The following ANO4 variants were observed in gnomAD, a reference collection of about 807,000 sequenced individuals.
ANO4 encodes the protein anoctamin 4.
Under a neutral mutation model 141.9 loss-of-function variants are expected in ANO4, and 69 were observed. That is an observed-to-expected ratio of 0.49 (90% CI 0.40 to 0.59). The LOEUF is 0.59. Ranked by LOEUF, ANO4 falls within the 20% of genes least tolerant of loss-of-function variation. The pLI is 0.00. For missense variants in ANO4, 894 were observed against 1,162.2 expected (o/e 0.77, Z 3.36); for synonymous variants, 350 against 394.3 (o/e 0.89, Z 1.33).
chr12:100,897,083 C>T (rs2040385132), intron 1 of ANO4, among the ~76,000 whole-genome samples: 1 of 152,206 alleles, frequency 6.6e-6, no homozygotes, highest in South Asian at 2.1e-4. Flanking sequence ...CACATTTTAG[C>T]CACTACTTTG....
At chr12:100,811,722 A>G (rs985469603) in intron 1 of ANO4, among the ~76,000 whole-genome samples, 2 of 152,318 alleles carry the variant, frequency 1.3e-5, no homozygotes, top group African/African-American at 4.8e-5. Flanking sequence ...TTAACTGTAC[A>G]GTAAACCATG....
chr12:101,082,963 T>A (rs2049345540), intron 15 of ANO4, among the ~76,000 whole-genome samples: 1 of 152,224 alleles, frequency 6.6e-6, no homozygotes. Flanking sequence ...ATAATTGGTT[T>A]TTAGTCAGAA....
At chr12:100,784,207 A>G (rs1411279008) in intron 3 of ANO4, among the ~76,000 whole-genome samples, 2 of 152,168 alleles carry the variant, frequency 1.3e-5, no homozygotes, top group Non-Finnish European at 2.9e-5. Context: ...CCTTCTGGCC[A>G]TAATGTTAGT....
At chr12:100,960,516 A>G (rs1338705610) in intron 5 of ANO4, among the ~76,000 whole-genome samples, 4 of 151,988 alleles carry the variant, frequency 2.6e-5, no homozygotes, top group Admixed American at 2.6e-4. Flanking sequence ...CTGAGGAGGG[A>G]TGTCATAACC....
chr12:100,872,053 A>G (rs368754026), intron 1 of ANO4, among the ~76,000 whole-genome samples: 16 of 152,312 alleles, frequency 1.1e-4, no homozygotes, highest in African/African-American at 3.4e-4. Flanking sequence ...TACTGAATTT[A>G]TGTTGTATCG....
intron 2 of ANO4, among the ~76,000 whole-genome samples, chr12:100,736,101 A>C (rs1261564451): frequency 6.6e-6 from 1 of 152,168 alleles, no homozygotes; most frequent in South Asian, 2.1e-4. Flanking sequence ...GTTGAAAATT[A>C]AAGTCTGCCT....
intron 16 of ANO4, among the ~76,000 whole-genome samples, chr12:101,084,567 A>G (rs1375726433): frequency 2.0e-5 from 3 of 152,100 alleles, no homozygotes; most frequent in African/African-American, 2.4e-5. Flanking sequence ...TTAGAGTAGG[A>G]AGGACAAGAC....
chr12:100,779,689 C>T lies in ANO4; in HGVS notation c.358+39584C>T, dbSNP rs904958794. Among the ~76,000 whole-genome samples the T allele has an allele frequency of 3.9e-5, 6 of 152,336 alleles. No homozygotes were observed. The East Asian group carries it at 9.7e-4, about 25-fold the overall frequency. ...AGGTTGGTATGCCAGACTCCCCAAA[C>T]ATGCTAGCCTTTCCTCCTTTAAAGT... On this transcript the variant is annotated intron_variant, in intron 3 of 29. Transcript: ENST00000644049.
At chr12:100,874,544 G>C (rs1267688648) in intron 1 of ANO4, among the ~76,000 whole-genome samples, 1 of 152,020 alleles carries the variant, frequency 6.6e-6, no homozygotes, top group Non-Finnish European at 1.5e-5. Flanking sequence ...TTTTGAGACA[G>C]AGTCTCACTC....
chr12:101,055,700 C>A (rs1269665777), intron 14 of ANO4, among the ~76,000 whole-genome samples: 2 of 151,804 alleles, frequency 1.3e-5, no homozygotes, highest in Non-Finnish European at 2.9e-5. Context: ...AAATTTTCTT[C>A]TGCACTCATT....
intron 9 of ANO4, among the ~76,000 whole-genome samples, chr12:101,026,721 C>T (rs140635413): frequency 7.2e-4 from 110 of 152,032 alleles, no homozygotes; most frequent in African/African-American, 2.6e-3. Flanking sequence ...TAGGAAAACT[C>T]GTATACAAAA....
intron 1 of ANO4, among the ~76,000 whole-genome samples, chr12:100,875,414 C>A: frequency 6.6e-6 from 1 of 152,190 alleles, no homozygotes; most frequent in East Asian, 1.9e-4. Flanking sequence ...AGAACTCAGA[C>A]ACGTACTACA....
intron 2 of ANO4, among the ~76,000 whole-genome samples, chr12:100,916,121 A>G (rs1480589577): frequency 6.6e-6 from 1 of 152,146 alleles, no homozygotes; most frequent in East Asian, 1.9e-4. Flanking sequence ...ATCATGAAAC[A>G]ATGGGACACA....
chr12:101,016,452 G>C (rs927137996), intron 8 of ANO4, among the ~76,000 whole-genome samples: 1 of 151,990 alleles, frequency 6.6e-6, no homozygotes, highest in African/African-American at 2.4e-5. Context: ...ATTCATGAGA[G>C]ATCCACCCCC....
intron 7 of ANO4, among the ~76,000 whole-genome samples, chr12:100,981,036 ACTTGATCCTGGGTGAGG>A (rs2044436842): frequency 1.3e-5 from 2 of 152,150 alleles, no homozygotes; most frequent in African/African-American, 4.8e-5. Context: ...ATTCTGCCTG[ACTTGATCCTGGGTGAGG>A]CTTGACAGTG....
At chr12:100,963,079 A>G (rs528024851) in intron 5 of ANO4, among the ~76,000 whole-genome samples, 2 of 152,318 alleles carry the variant, frequency 1.3e-5, no homozygotes. Context: ...GAAGAAGAGC[A>G]ATTTTGCCAG....
At chr12:100,963,180 C>G (rs1185094488) in intron 5 of ANO4, among the ~76,000 whole-genome samples, 1 of 152,092 alleles carries the variant, frequency 6.6e-6, no homozygotes, top group African/African-American at 2.4e-5. Flanking sequence ...CTACACTGAT[C>G]TGGAGCTCAG....
In ANO4 at chr12:100,859,432, C is replaced by A. The variant is rs189555704; in HGVS notation, c.-140-42214C>A. ...CCAGGTGACATGGGCAAGAAAGAAG[C>A]CTTTGTTGTTTTAAGTCACTGAGAT... On this transcript the variant is annotated intron_variant, in intron 1 of 27. Transcript: ENST00000392977. 5.9e-5 allele frequency among the ~76,000 whole-genome samples: 9 copies of A among 152,220 alleles called. No individual in the cohort carries two copies. In the East Asian group the frequency reaches 9.7e-4, roughly 16 times the overall value.
intron 14 of ANO4, among the ~76,000 whole-genome samples, chr12:101,070,549 G>A (rs547339829): frequency 3.3e-5 from 5 of 151,962 alleles, no homozygotes; most frequent in Non-Finnish European, 7.4e-5. Flanking sequence ...ATAAAACCTC[G>A]AACTATGAAA....
Sources: gnomAD v4.1 joint callset for allele counts (sites outside exome capture counted in the v4.1 genomes callset) on GRCh38, gnomAD v4.1.1 for gene constraint, MANE v1.5 for transcripts, NCBI Gene and HGNC (gene_info 2026-07-23, HGNC 2026-07-21) for gene names.